The following CNTNAP2 variants were observed in gnomAD, a reference collection of about 807,000 sequenced individuals.
The protein encoded by CNTNAP2 is contactin-associated protein-like 2.
In CNTNAP2, 98 loss-of-function variants were observed where a neutral mutation model predicts 155.2. The ratio of observed to expected loss-of-function variants is 0.63; its 90% CI spans 0.54 to 0.75. The LOEUF (loss-of-function observed/expected upper bound fraction) is 0.75. Among genes scored for constraint, CNTNAP2 ranks in the 30% least tolerant of loss-of-function variants. CNTNAP2 has a pLI of 0.00. For missense variants in CNTNAP2, 1,727 were observed against 1,688.1 expected (o/e 1.02, Z -0.40); for synonymous variants, 651 against 631.2 (o/e 1.03, Z -0.47).
chr7:148,344,485 T>A (rs1798287484), intron 21 of CNTNAP2, among the ~76,000 whole-genome samples: 1 of 152,214 alleles, frequency 6.6e-6, no homozygotes, highest in Admixed American at 6.5e-5. Flanking sequence ...TTATTTTTCA[T>A]CTTTGCACAT....
intron 10 of CNTNAP2, among the ~76,000 whole-genome samples, chr7:147,402,655 T>A (rs954018147): frequency 1.3e-5 from 2 of 152,180 alleles, no homozygotes; most frequent in African/African-American, 4.8e-5. Context: ...CACAGTGATT[T>A]CTATATCTTT....
intron 3 of CNTNAP2, among the ~76,000 whole-genome samples, chr7:146,955,606 T>G (rs1797418072): frequency 6.6e-6 from 1 of 152,004 alleles, no homozygotes; most frequent in Non-Finnish European, 1.5e-5. Context: ...ATGATAAGTT[T>G]ATCGAAGATA....
In CNTNAP2 at chr7:148,125,685, GTGTGTA is replaced by G. The variant is rs755534539; in HGVS notation, c.2554+7399_2554+7404del. Among the ~76,000 whole-genome samples, 1,111 of 142,248 alleles carry G rather than the reference GTGTGTA, an allele frequency of 7.8e-3. 11 individuals are homozygous for G. The highest frequency in any genetic ancestry group is 0.028 in the African/African-American group (1,044 of 37,234). The allele number at this position is 142,248 out of a possible 152,430, so 93.3% of individuals were successfully genotyped here. A position where few individuals can be genotyped will look rare whatever the true frequency, so the allele number is the denominator to read the frequency against. ...TGTGTGTGTGTGTGTGTGTGTGTGTGTGTGTATATATATATAGTTTTTTTTTTTTTT... is the reference window on the plus strand; with the variant it reads ...TGTGTGTGTGTGTGTGTGTGTGTGTGTATATATATAGTTTTTTTTTTTTTT... On this transcript the variant is annotated intron_variant, in intron 16 of 23. Transcript: ENST00000361727.
intron 1 of CNTNAP2, among the ~76,000 whole-genome samples, chr7:146,662,678 G>C (rs576837964): frequency 1.3e-5 from 1 of 79,134 alleles, no homozygotes; most frequent in South Asian, 9.9e-4. Context: ...ATATCTTTGT[G>C]TAAAAGATGT....
intron 1 of CNTNAP2, among the ~76,000 whole-genome samples, chr7:146,253,457 A>G (rs966472931): frequency 1.3e-5 from 2 of 152,256 alleles, no homozygotes; most frequent in Non-Finnish European, 2.9e-5. Flanking sequence ...TTTGCTATAC[A>G]TGCCCATTCC....
chr7:146,162,862 A>G (rs559630237), intron 1 of CNTNAP2, among the ~76,000 whole-genome samples: 5 of 152,356 alleles, frequency 3.3e-5, no homozygotes, highest in Admixed American at 1.3e-4. Flanking sequence ...TTGAAGGGAC[A>G]TGGATGAAGC....
chr7:147,976,490 G>T (rs1272281803), intron 14 of CNTNAP2, among the ~76,000 whole-genome samples: 3 of 152,120 alleles, frequency 2.0e-5, no homozygotes, highest in Non-Finnish European at 4.4e-5. Context: ...AAGAATCACA[G>T]TACTTTTCTG....
At chr7:147,079,604 AATG>A (rs773961203) in intron 4 of CNTNAP2, among the ~76,000 whole-genome samples, 16 of 149,002 alleles carry the variant, frequency 1.1e-4, no homozygotes, top group South Asian at 4.2e-4. Context: ...TAATAATAAT[AATG>A]ATAATAATAA....
In CNTNAP2 at chr7:147,399,308, T is replaced by G. The variant is rs556798397; in HGVS notation, c.1670+3528T>G. On this transcript the variant is annotated intron_variant, in intron 10 of 23. Transcript: ENST00000361727. ...TACTCACGTCTTAAAAGGATGAATC[T>G]GGGCTGTGGGAGCAAGAAAGGTAGA... Among the ~76,000 whole-genome samples the G allele has an allele frequency of 2.6e-5, 4 of 152,278 alleles. No homozygotes were observed. The East Asian group carries it at 7.7e-4, about 29-fold the overall frequency.
chr7:146,171,615 T>C (rs779951192), intron 1 of CNTNAP2, among the ~76,000 whole-genome samples: 7 of 152,272 alleles, frequency 4.6e-5, no homozygotes, highest in Non-Finnish European at 1.0e-4. Context: ...AAAACACAAA[T>C]TGGCCTGTTT....
chr7:146,280,048 G>T (rs1418582303), intron 1 of CNTNAP2, among the ~76,000 whole-genome samples: 1 of 152,020 alleles, frequency 6.6e-6, no homozygotes, highest in Non-Finnish European at 1.5e-5. Context: ...TGTTCAATTA[G>T]CAGTGTTTAA....
chr7:146,403,219 T>C (rs745873405), intron 1 of CNTNAP2, among the ~76,000 whole-genome samples: 4 of 152,154 alleles, frequency 2.6e-5, no homozygotes, highest in Non-Finnish European at 5.9e-5. Flanking sequence ...TTACTAATTA[T>C]GAAATTCATA....
chr7:147,397,378 G>A (rs1343344302), intron 10 of CNTNAP2, among the ~76,000 whole-genome samples: 3 of 151,772 alleles, frequency 2.0e-5, no homozygotes, highest in African/African-American at 7.3e-5. Context: ...ATATTGTTTT[G>A]TACAGAAAAA....
In CNTNAP2 at chr7:147,455,360, TAAGGG is replaced by T. The variant is rs1356453077; in HGVS notation, c.1671-30574_1671-30570del. ...ATTTGTTATTATAACTCCAATTTAA[TAAGGG>T]GTAAACAAAGACTTTAAAAACTTCA... On this transcript the variant is annotated intron_variant, in intron 10 of 23. Transcript: ENST00000361727. Among the ~76,000 whole-genome samples the T allele has an allele frequency of 2.6e-5, 4 of 152,230 alleles. No individual in the cohort carries two copies. The East Asian group carries it at 7.7e-4, about 29-fold the overall frequency.
intron 21 of CNTNAP2, among the ~76,000 whole-genome samples, chr7:148,285,523 A>G (rs1797063695): frequency 1.3e-5 from 2 of 152,274 alleles, no homozygotes; most frequent in Non-Finnish European, 2.9e-5. Flanking sequence ...CTAGACAGGT[A>G]CTATGGAGGA....
chr7:147,701,120 G>A (rs759929100), intron 13 of CNTNAP2, among the ~76,000 whole-genome samples: 2 of 152,174 alleles, frequency 1.3e-5, no homozygotes, highest in African/African-American at 4.8e-5. Flanking sequence ...CCTTAGAGAT[G>A]CATTTTGCTA....
At chr7:147,911,422 G>C (rs1326434858) in intron 14 of CNTNAP2, among the ~76,000 whole-genome samples, 1 of 152,172 alleles carries the variant, frequency 6.6e-6, no homozygotes, top group Non-Finnish European at 1.5e-5. Context: ...ATAAGGAGGG[G>C]TAATGGTCTC....
intron 1 of CNTNAP2, among the ~76,000 whole-genome samples, chr7:146,566,403 G>A (rs1283958886): frequency 1.3e-5 from 2 of 152,076 alleles, no homozygotes; most frequent in South Asian, 2.1e-4. Flanking sequence ...CAAATTTTTA[G>A]ACTTTTAGTG....
intron 3 of CNTNAP2, among the ~76,000 whole-genome samples, chr7:146,905,605 T>G (rs1796104059): frequency 6.6e-6 from 1 of 152,158 alleles, no homozygotes; most frequent in South Asian, 2.1e-4. Flanking sequence ...TCTTTTTCAT[T>G]CAGAGACTCA....
Sources: gnomAD v4.1 joint callset for allele counts (sites outside exome capture counted in the v4.1 genomes callset) on GRCh38, gnomAD v4.1.1 for gene constraint, MANE v1.5 for transcripts, NCBI Gene and HGNC (gene_info 2026-07-23, HGNC 2026-07-21) for gene names.